Variants in OXR1 observed in about 807,000 individuals in gnomAD.
OXR1 encodes oxidation resistance 1, also known as oxidation resistance protein 1.
Under a neutral mutation model 104.6 loss-of-function variants are expected in OXR1, and 41 were observed. That is an observed-to-expected ratio of 0.39 (90% CI 0.31 to 0.51). The LOEUF is 0.51. OXR1 is among the 20% of genes least tolerant of loss of function. The probability of loss-of-function intolerance (pLI) is 0.77; values close to 1 mark genes in which losing one functional copy is unlikely to be tolerated. For synonymous variants in OXR1, 348 were observed against 348.4 expected (o/e 1.00, Z 0.01); for missense variants, 955 against 1,031.9 (o/e 0.93, Z 1.02).
chr8:106,720,178 A>G (rs774632386), intron 11 of OXR1, among the ~76,000 whole-genome samples: 1 of 152,176 alleles, frequency 6.6e-6, no homozygotes, highest in Non-Finnish European at 1.5e-5. Flanking sequence ...TTCAGAGCCT[A>G]TACCTTTTCC....
chr8:106,484,396 T>A (rs907885791), intron 2 of OXR1, among the ~76,000 whole-genome samples: 1 of 152,040 alleles, frequency 6.6e-6, no homozygotes, highest in African/African-American at 2.4e-5. Flanking sequence ...TGTACCAAAA[T>A]ATCACATGCG....
chr8:106,638,849 G>C (rs918679819), intron 3 of OXR1, among the ~76,000 whole-genome samples: 2 of 149,722 alleles, frequency 1.3e-5, no homozygotes, highest in Non-Finnish European at 3.0e-5. Flanking sequence ...AGCAGATATC[G>C]TGCCACTGCA....
intron 3 of OXR1, among the ~76,000 whole-genome samples, chr8:106,540,280 C>A (rs575285835): frequency 6.6e-6 from 1 of 152,160 alleles, no homozygotes; most frequent in African/African-American, 2.4e-5. Context: ...GTATGGGTTC[C>A]ATAGGTAAAT....
intron 16 of OXR1, among the ~76,000 whole-genome samples, chr8:106,749,289 G>C (rs533268102): frequency 6.7e-6 from 1 of 149,790 alleles, no homozygotes; most frequent in Admixed American, 6.7e-5. Flanking sequence ...CTTGCAGTGC[G>C]CCAAGATCAC....
intron 3 of OXR1, among the ~76,000 whole-genome samples, chr8:106,648,752 T>A (rs1004411686): frequency 3.3e-5 from 5 of 152,206 alleles, no homozygotes; most frequent in African/African-American, 1.2e-4. Context: ...GTAAATGTGA[T>A]GTAATTAAAT....
intron 3 of OXR1, among the ~76,000 whole-genome samples, chr8:106,565,680 A>C (rs1817016094): frequency 6.6e-6 from 1 of 152,162 alleles, no homozygotes; most frequent in African/African-American, 2.4e-5. Context: ...AGACAATCCT[A>C]AGCAAAAAGA....
intron 1 of OXR1, among the ~76,000 whole-genome samples, chr8:106,278,961 A>T (rs1474138003): frequency 6.6e-6 from 1 of 152,162 alleles, no homozygotes; most frequent in Non-Finnish European, 1.5e-5. Context: ...AGTTTCCAAC[A>T]TGGGAGGTGG....
At chr8:106,471,124 T>C (rs1351710835) in intron 2 of OXR1, among the ~76,000 whole-genome samples, 3 of 151,612 alleles carry the variant, frequency 2.0e-5, no homozygotes, top group South Asian at 4.2e-4. Context: ...AAAGAAAGTA[T>C]TTATGAGAGT....
intron 1 of OXR1, among the ~76,000 whole-genome samples, chr8:106,291,503 C>CA (rs1199958348): frequency 2.6e-5 from 4 of 152,038 alleles, no homozygotes; most frequent in South Asian, 2.1e-4. Context: ...ACAAACAAAA[C>CA]AAAAAAACAA....
chr8:106,335,347 G>A (rs759617791), intron 1 of OXR1, among the ~76,000 whole-genome samples: 28 of 152,116 alleles, frequency 1.8e-4, no homozygotes, highest in South Asian at 4.2e-4. Context: ...CACCTTGCCC[G>A]CTGAGTTTCT....
intron 1 of OXR1, among the ~76,000 whole-genome samples, chr8:106,274,984 G>A (rs1222542429): frequency 1.3e-5 from 2 of 152,196 alleles, no homozygotes; most frequent in Admixed American, 1.3e-4. Context: ...AGCAGTAGCA[G>A]GTTCTGTTCT....
intron 3 of OXR1, among the ~76,000 whole-genome samples, chr8:106,601,758 T>C (rs1435083756): frequency 1.3e-5 from 2 of 152,210 alleles, no homozygotes; most frequent in East Asian, 3.9e-4. Context: ...TATCATTATT[T>C]TGATTAGGTT....
chr8:106,615,406 T>A (rs568122449), intron 3 of OXR1, among the ~76,000 whole-genome samples: 2 of 151,156 alleles, frequency 1.3e-5, no homozygotes, highest in African/African-American at 4.9e-5. Flanking sequence ...CACTCCAGCC[T>A]GGGCAACAGA....
chr8:106,281,216 C>G (rs983576040), intron 1 of OXR1, among the ~76,000 whole-genome samples: 1 of 152,118 alleles, frequency 6.6e-6, no homozygotes, highest in African/African-American at 2.4e-5. Flanking sequence ...GCCCAAGGCC[C>G]AGGTCCATGG....
intron 3 of OXR1, among the ~76,000 whole-genome samples, chr8:106,626,744 A>C (rs1822203019): frequency 6.6e-6 from 1 of 151,226 alleles, no homozygotes; most frequent in Non-Finnish European, 1.5e-5. Context: ...TTTACAAATC[A>C]CTATTACCAG....
chr8:106,445,538 T>C (rs1425366302), intron 2 of OXR1, among the ~76,000 whole-genome samples: 1 of 152,202 alleles, frequency 6.6e-6, no homozygotes, highest in Non-Finnish European at 1.5e-5. Context: ...CTCATTACCA[T>C]GCCTGTCTCC....
chr8:106,630,625 G>C (rs1269987807), intron 3 of OXR1, among the ~76,000 whole-genome samples: 1 of 152,132 alleles, frequency 6.6e-6, no homozygotes, highest in Non-Finnish European at 1.5e-5. Context: ...AGGGGAAGCG[G>C]GTTGTTTACA....
intron 2 of OXR1, among the ~76,000 whole-genome samples, chr8:106,398,443 C>A (rs1487148773): frequency 6.6e-6 from 1 of 152,114 alleles, no homozygotes; most frequent in Non-Finnish European, 1.5e-5. Flanking sequence ...CCCATGCACT[C>A]AAGGAGAAAG....
At chr8:106,429,697 G>T (rs1165782475) in intron 2 of OXR1, among the ~76,000 whole-genome samples, 1 of 151,356 alleles carries the variant, frequency 6.6e-6, no homozygotes, top group Non-Finnish European at 1.5e-5. Context: ...ATCAGATAAT[G>T]TGTGATATAG....
Sources: gnomAD v4.1 joint callset for allele counts (sites outside exome capture counted in the v4.1 genomes callset) on GRCh38, gnomAD v4.1.1 for gene constraint, MANE v1.5 for transcripts, NCBI Gene and HGNC (gene_info 2026-07-23, HGNC 2026-07-21) for gene names.